GNG12: variants seen among roughly 807,000 people sequenced by gnomAD.
GNG12 encodes the protein G protein subunit gamma 12.
For missense variants in GNG12, 69 were observed against 83.8 expected (o/e 0.82, Z 0.69); for synonymous variants, 28 against 29.7 (o/e 0.94, Z 0.19).
intron 2 of GNG12, among the ~76,000 whole-genome samples, chr1:67,710,234 A>C (rs1321680485): frequency 8.8e-6 from 1 of 113,436 alleles, no homozygotes; most frequent in Non-Finnish European, 1.7e-5. Flanking sequence ...ATATATAGTT[A>C]TATATATAGT....
chr1:67,729,239 G>T (rs1646405128), intron 2 of GNG12, among the ~76,000 whole-genome samples: 1 of 152,106 alleles, frequency 6.6e-6, no homozygotes. Flanking sequence ...ACCTCCAAGG[G>T]CTTGCAGAGG....
intron 2 of GNG12, among the ~76,000 whole-genome samples, chr1:67,754,910 T>C (rs1423306748): frequency 6.6e-6 from 1 of 152,250 alleles, no homozygotes; most frequent in Non-Finnish European, 1.5e-5. Context: ...AAGTTCACTC[T>C]TTCCTCATGT....
At chr1:67,746,076 T>C (rs976420719) in intron 2 of GNG12, among the ~76,000 whole-genome samples, 1 of 152,192 alleles carries the variant, frequency 6.6e-6, no homozygotes, top group Non-Finnish European at 1.5e-5. Flanking sequence ...ACTAAAGCTC[T>C]TGGTGTATTG....
chr1:67,781,421 C>T (rs1646736877), intron 1 of GNG12, among the ~76,000 whole-genome samples: 2 of 152,092 alleles, frequency 1.3e-5, no homozygotes, highest in South Asian at 4.1e-4. Context: ...GTTGTAGGTG[C>T]TGGAGATGCA....
chr1:67,758,567 A>G (rs1646583612), intron 2 of GNG12, among the ~76,000 whole-genome samples: 1 of 152,328 alleles, frequency 6.6e-6, no homozygotes, highest in Admixed American at 6.5e-5. Context: ...ACACTGGAGC[A>G]CACATTGATA....
intron 1 of GNG12, among the ~76,000 whole-genome samples, chr1:67,831,167 G>C (rs1040100200): frequency 6.6e-6 from 1 of 152,102 alleles, no homozygotes; most frequent in African/African-American, 2.4e-5. Context: ...TGCCTTCCTA[G>C]GTTAAGCTTA....
At chr1:67,759,381 A>G (rs1437494760) in intron 2 of GNG12, among the ~76,000 whole-genome samples, 4 of 152,240 alleles carry the variant, frequency 2.6e-5, no homozygotes, top group African/African-American at 7.2e-5. Context: ...GCCTAACTGC[A>G]TCCAAAGTAC....
In GNG12 at chr1:67,708,520, T is replaced by C. The variant is rs147342352; in HGVS notation, c.-26-808A>G. Among the ~76,000 whole-genome samples, 502 of 152,362 alleles carry C rather than the reference T, an allele frequency of 3.3e-3. 1 individual carries two copies. The highest frequency in any genetic ancestry group is 8.7e-3 in the South Asian group (42 of 4,828). ...TGATTCTCCTCTCTAGCCTGAGCTGTTGGCCTCTAGGCTGCCCTGCTGCCC... is the reference window on the plus strand; with the variant it reads ...TGATTCTCCTCTCTAGCCTGAGCTGCTGGCCTCTAGGCTGCCCTGCTGCCC... On this transcript the variant is annotated intron_variant, in intron 2 of 3. Coordinates refer to ENST00000370982, the MANE Select transcript of GNG12 (RefSeq NM_018841.6).
intron 1 of GNG12, among the ~76,000 whole-genome samples, chr1:67,795,623 G>T (rs1194596775): frequency 6.6e-6 from 1 of 152,288 alleles, no homozygotes; most frequent in East Asian, 1.9e-4. Context: ...ATTCCAGAAG[G>T]TGTTTAATAA....
intron 2 of GNG12, among the ~76,000 whole-genome samples, chr1:67,717,513 CAAAAA>C (rs1205936941): frequency 9.6e-6 from 1 of 104,230 alleles, no homozygotes. Flanking sequence ...GAGACTCTGT[CAAAAA>C]AAAAAAAAAA....
chr1:67,813,888 G>A (rs1479486191), intron 1 of GNG12, among the ~76,000 whole-genome samples: 1 of 151,914 alleles, frequency 6.6e-6, no homozygotes, highest in African/African-American at 2.4e-5. Flanking sequence ...GTCAGGCATA[G>A]TTGTAAGTAT....
At chr1:67,733,354 G>C (rs1217586447) in intron 2 of GNG12, among the ~76,000 whole-genome samples, 1 of 152,076 alleles carries the variant, frequency 6.6e-6, no homozygotes, top group African/African-American at 2.4e-5. Context: ...CACTCTAAAG[G>C]GGTAACTATT....
At chr1:67,750,704 G>C (rs1455600638) in intron 2 of GNG12, among the ~76,000 whole-genome samples, 2 of 152,124 alleles carry the variant, frequency 1.3e-5, no homozygotes, top group African/African-American at 4.8e-5. Context: ...TGTTATAACT[G>C]GGGCTTAGGT....
At chr1:67,817,428 G>C (rs1422775165) in intron 1 of GNG12, among the ~76,000 whole-genome samples, 2 of 152,218 alleles carry the variant, frequency 1.3e-5, no homozygotes, top group Non-Finnish European at 2.9e-5. Flanking sequence ...GTCTCTCAAA[G>C]TCACATGGCT....
chr1:67,800,616 T>A (rs1646859212), intron 1 of GNG12, among the ~76,000 whole-genome samples: 1 of 152,232 alleles, frequency 6.6e-6, no homozygotes, highest in Non-Finnish European at 1.5e-5. Flanking sequence ...GAGAATTTTT[T>A]AAATGTGCTC....
chr1:67,786,864 G>C (rs1224592704), intron 1 of GNG12, among the ~76,000 whole-genome samples: 5 of 152,024 alleles, frequency 3.3e-5, no homozygotes, highest in African/African-American at 1.2e-4. Context: ...TTGAACCTGG[G>C]AGGTGGAGGT....
At chr1:67,720,914 C>T (rs1281694116) in intron 2 of GNG12, among the ~76,000 whole-genome samples, 1 of 152,168 alleles carries the variant, frequency 6.6e-6, no homozygotes, top group African/African-American at 2.4e-5. Flanking sequence ...TTGCTCTGAA[C>T]CTTGTCTTTA....
intron 1 of GNG12, among the ~76,000 whole-genome samples, chr1:67,801,907 G>A (rs1476068200): frequency 1.3e-5 from 2 of 149,232 alleles, no homozygotes; most frequent in African/African-American, 4.9e-5. Flanking sequence ...TAAAAAAGTG[G>A]AAGAAAAGGG....
intron 1 of GNG12, among the ~76,000 whole-genome samples, chr1:67,778,287 A>C (rs1646718000): frequency 6.6e-6 from 1 of 152,072 alleles, no homozygotes; most frequent in African/African-American, 2.4e-5. Context: ...TTTAGACCAA[A>C]TCTTCAAGAT....
Sources: gnomAD v4.1 joint callset for allele counts (sites outside exome capture counted in the v4.1 genomes callset) on GRCh38, gnomAD v4.1.1 for gene constraint, MANE v1.5 for transcripts, NCBI Gene and HGNC (gene_info 2026-07-23, HGNC 2026-07-21) for gene names.